VEPH1: variants seen among roughly 807,000 people sequenced by gnomAD.
VEPH1 encodes ventricular zone-expressed PH domain-containing protein homolog 1.
In VEPH1, 80 loss-of-function variants were observed where a neutral mutation model predicts 85.2. The ratio of observed to expected loss-of-function variants is 0.94; its 90% CI spans 0.78 to 1.13. The LOEUF (loss-of-function observed/expected upper bound fraction) is 1.13, where lower values mean the gene tolerates loss of function less well. Among genes scored for constraint, VEPH1 ranks in the 50% most tolerant of loss-of-function variants. VEPH1 has a pLI of 0.00. For missense variants in VEPH1, 955 were observed against 980.5 expected (o/e 0.97, Z 0.35); for synonymous variants, 297 against 348.0 (o/e 0.85, Z 1.63).
chr3:157,383,830 G>T (rs369837492), intron 6 of VEPH1, among the ~76,000 whole-genome samples: 2 of 152,080 alleles, frequency 1.3e-5, no homozygotes, highest in East Asian at 3.9e-4. Context: ...TCATATTTTG[G>T]GTCATACAAT....
chr3:157,337,507 G>C (rs76452299), intron 9 of VEPH1, among the ~76,000 whole-genome samples: 10 of 151,904 alleles, frequency 6.6e-5, no homozygotes, highest in South Asian at 2.1e-4. Context: ...TGCTCCATAA[G>C]GTCAAAATAT....
intron 7 of VEPH1, among the ~76,000 whole-genome samples, chr3:157,372,845 T>A (rs894900854): frequency 6.6e-6 from 1 of 152,188 alleles, no homozygotes; most frequent in Non-Finnish European, 1.5e-5. Flanking sequence ...ATTACAGCAA[T>A]GTTAAATTGC....
chr3:157,411,926 G>T (rs1253586655), intron 6 of VEPH1, among the ~76,000 whole-genome samples: 7 of 152,154 alleles, frequency 4.6e-5, no homozygotes, highest in Admixed American at 4.6e-4. Flanking sequence ...ATGTTGATTT[G>T]TAATCCTCAA....
intron 4 of VEPH1, among the ~76,000 whole-genome samples, chr3:157,457,761 T>C (rs1242840370): frequency 6.6e-6 from 1 of 152,216 alleles, no homozygotes; most frequent in African/African-American, 2.4e-5. Context: ...CTGCTGGATT[T>C]GTTTTGCCAG....
chr3:157,365,278 A>G (rs964662338), intron 7 of VEPH1, among the ~76,000 whole-genome samples: 2 of 152,178 alleles, frequency 1.3e-5, no homozygotes, highest in African/African-American at 4.8e-5. Context: ...TCCCTTATTT[A>G]TCTTCTAATA....
At chr3:157,327,956 A>G (rs1722106309) in intron 9 of VEPH1, among the ~76,000 whole-genome samples, 1 of 152,128 alleles carries the variant, frequency 6.6e-6, no homozygotes, top group South Asian at 2.1e-4. Flanking sequence ...CCAAAGTTCA[A>G]TTCTTCTCCA....
chr3:157,437,615 A>G, intron 4 of VEPH1: 1 of 1,565,414 alleles, frequency 6.4e-7, no homozygotes, highest in Non-Finnish European at 8.6e-7. Flanking sequence ...CAAGCCACGG[A>G]CGACGTCCTG....
At chr3:157,443,791 A>G (rs1296880197) in intron 4 of VEPH1, among the ~76,000 whole-genome samples, 1 of 152,208 alleles carries the variant, frequency 6.6e-6, no homozygotes, top group Non-Finnish European at 1.5e-5. Context: ...CTGCCAAGTC[A>G]ATTCATCTCT....
At chr3:157,449,594 G>A (rs182907985) in intron 4 of VEPH1, among the ~76,000 whole-genome samples, 60 of 152,138 alleles carry the variant, frequency 3.9e-4, no homozygotes, top group African/African-American at 1.3e-3. Flanking sequence ...TATCTGGTAC[G>A]GAAATTACTG....
intron 9 of VEPH1, among the ~76,000 whole-genome samples, chr3:157,346,232 T>G (rs886277218): frequency 1.3e-5 from 2 of 152,272 alleles, no homozygotes; most frequent in East Asian, 1.9e-4. Context: ...TCTTAATATC[T>G]CCAAAGGGCA....
At chr3:157,274,540 C>T (rs71310500) in intron 12 of VEPH1, among the ~76,000 whole-genome samples, 5,365 of 152,262 alleles carry the variant, frequency 0.035, 153 homozygotes, top group Admixed American at 0.071. Flanking sequence ...TTTTGTTGCT[C>T]AGGCTGGAAT....
In VEPH1 at chr3:157,363,375, C is replaced by T; in HGVS notation, c.1724G>A (p.Cys575Tyr). 2 of 1,604,248 alleles carry T rather than the reference C, an allele frequency of 1.2e-6. No homozygotes were observed. The highest frequency in any genetic ancestry group is 1.7e-6 in the Non-Finnish European group (2 of 1,177,266). Residue 575 changes from cysteine to tyrosine, a missense_variant, in exon 9 of 14, where the codon TGT (cysteine) becomes TAT (tyrosine). Transcript: ENST00000362010. ...IGKKIPVPDQ[C>Y]TIEDTVRSCV... is the part of the protein sequence containing the mutation. ...TACACAACACTTACCTTCAATGGTA[C>T]ACTGATCAGGGACTGGAATCTTCTT...
chr3:157,366,612 G>A (rs556191153), intron 7 of VEPH1, among the ~76,000 whole-genome samples: 5 of 152,046 alleles, frequency 3.3e-5, no homozygotes, highest in South Asian at 2.1e-4. Flanking sequence ...TCAGGCACCT[G>A]TAATCCCAGC....
chr3:157,367,650 G>T (rs1243049928), intron 7 of VEPH1, among the ~76,000 whole-genome samples: 1 of 152,076 alleles, frequency 6.6e-6, no homozygotes, highest in East Asian at 1.9e-4. Flanking sequence ...ATTAGATATT[G>T]AGCATTATAT....
chr3:157,343,458 C>G (rs142252994), intron 9 of VEPH1, among the ~76,000 whole-genome samples: 15,635 of 151,942 alleles, frequency 0.1, 2,554 homozygotes, highest in African/African-American at 0.35. Flanking sequence ...ACACATACAC[C>G]CTCCCAAGAC....
intron 4 of VEPH1, chr3:157,436,774 T>C (rs1247184882): frequency 1.7e-6 from 1 of 573,414 alleles, no homozygotes; most frequent in Non-Finnish European, 2.7e-6. Flanking sequence ...GTTACCGCAG[T>C]GCCACCAGCA....
intron 13 of VEPH1, 115 bp downstream of exon 13, chr3:157,265,411 T>A: frequency 8.7e-7 from 1 of 1,152,996 alleles, no homozygotes. Context: ...TGCTGTAAGA[T>A]GGTGAAATGG....
At chr3:157,477,573 G>A (rs1424192842) in intron 2 of VEPH1, among the ~76,000 whole-genome samples, 2 of 151,882 alleles carry the variant, frequency 1.3e-5, no homozygotes, top group Non-Finnish European at 2.9e-5. Flanking sequence ...CACTTGACTT[G>A]GGCACAAAGT....
At chr3:157,454,984 A>T (rs1481017558) in intron 4 of VEPH1, among the ~76,000 whole-genome samples, 1 of 152,102 alleles carries the variant, frequency 6.6e-6, no homozygotes, top group Non-Finnish European at 1.5e-5. Context: ...TCTTCATCCA[A>T]TCCACTGTTG....
Sources: gnomAD v4.1 joint callset for allele counts (sites outside exome capture counted in the v4.1 genomes callset) on GRCh38, gnomAD v4.1.1 for gene constraint, MANE v1.5 for transcripts, NCBI Gene and HGNC (gene_info 2026-07-23, HGNC 2026-07-21) for gene names.